EYS: variants seen among roughly 807,000 people sequenced by gnomAD.
The protein encoded by EYS is EGF-like photoreceptor maintenance factor, also known as protein eyes shut homolog.
EYS carries 250 observed loss-of-function variants against 282.1 expected under a neutral mutation model. The ratio of observed to expected loss-of-function variants is 0.89; its 90% CI spans 0.80 to 0.98. The LOEUF is 0.98. Among genes scored for constraint, EYS ranks in the 50% least tolerant of loss-of-function variants. The pLI, the probability that EYS is intolerant of heterozygous loss-of-function variation, is 0.00. For synonymous variants in EYS, 1,355 were observed against 1,282.9 expected, an observed-to-expected ratio of 1.06 and a Z score of -1.20; for missense variants, 4,016 against 3,709.0, an observed-to-expected ratio of 1.08 and a Z score of -2.15.
chr6:64,587,104 T>C (rs1013485711), intron 26 of EYS, among the ~76,000 whole-genome samples: 3 of 152,086 alleles, frequency 2.0e-5, no homozygotes, highest in Non-Finnish European at 4.4e-5. Flanking sequence ...CTTCAAAAAG[T>C]ACACAAAACT....
At chr6:64,898,174 T>C (rs1454569100) in intron 18 of EYS, among the ~76,000 whole-genome samples, 1 of 151,836 alleles carries the variant, frequency 6.6e-6, no homozygotes, top group Non-Finnish European at 1.5e-5. Flanking sequence ...AAGGCTGAAA[T>C]GAAGGAAAAA....
intron 26 of EYS, among the ~76,000 whole-genome samples, chr6:64,465,121 TAAAG>T (rs1384792342): frequency 6.6e-6 from 1 of 151,632 alleles, no homozygotes; most frequent in Non-Finnish European, 1.5e-5. Context: ...GAAACGCAAA[TAAAG>T]AAAACGATAT....
At chr6:64,868,901 T>C (rs1453550409) in intron 19 of EYS, among the ~76,000 whole-genome samples, 1 of 151,558 alleles carries the variant, frequency 6.6e-6, no homozygotes. Flanking sequence ...TTAAGCTCAG[T>C]GTTCTTTCCC....
At chr6:65,520,049 T>C (rs1348961893) in intron 2 of EYS, among the ~76,000 whole-genome samples, 1 of 152,032 alleles carries the variant, frequency 6.6e-6, no homozygotes, top group Non-Finnish European at 1.5e-5. Flanking sequence ...CTATGCATAT[T>C]AGATTAACTT....
intron 35 of EYS, among the ~76,000 whole-genome samples, chr6:63,962,462 C>T (rs1766111640): frequency 6.6e-6 from 1 of 152,188 alleles, no homozygotes; most frequent in South Asian, 2.1e-4. Context: ...TATGAACAGA[C>T]ACTTCTCAAA....
At chr6:64,167,801 A>G (rs1764342282) in intron 31 of EYS, among the ~76,000 whole-genome samples, 1 of 152,240 alleles carries the variant, frequency 6.6e-6, no homozygotes, top group Admixed American at 6.5e-5. Flanking sequence ...AAACCACACA[A>G]TATAAATCCA....
chr6:64,167,300 G>A (rs1482657140), intron 31 of EYS, among the ~76,000 whole-genome samples: 1 of 152,142 alleles, frequency 6.6e-6, no homozygotes, highest in African/African-American at 2.4e-5. Flanking sequence ...TGGACTTTTT[G>A]AGTCTCGAGC....
intron 26 of EYS, among the ~76,000 whole-genome samples, chr6:64,474,362 T>C (rs761206537): frequency 3.9e-5 from 6 of 152,206 alleles, no homozygotes; most frequent in Non-Finnish European, 8.8e-5. Context: ...TTCCCTGTTC[T>C]AGAAACAGGG....
chr6:65,553,277 G>A (rs2053146414), intron 2 of EYS, among the ~76,000 whole-genome samples: 1 of 152,174 alleles, frequency 6.6e-6, no homozygotes, highest in Admixed American at 6.5e-5. Context: ...GTTTAGAAAT[G>A]TCAGTGTAGG....
At chr6:65,069,345 A>G (rs1773841320) in intron 12 of EYS, among the ~76,000 whole-genome samples, 1 of 151,760 alleles carries the variant, frequency 6.6e-6, no homozygotes, top group Non-Finnish European at 1.5e-5. Flanking sequence ...TTTAACTTAT[A>G]CTCATTTTCT....
chr6:65,558,386 AGCAGGCATTGGG>A (rs2127342506), intron 2 of EYS, among the ~76,000 whole-genome samples: 1 of 152,322 alleles, frequency 6.6e-6, no homozygotes, highest in African/African-American at 2.4e-5. Context: ...TCTGCACTGG[AGCAGGCATTGGG>A]AGTGCGGAGA....
chr6:63,778,987 TATA>T (rs1770136529), intron 39 of EYS, among the ~76,000 whole-genome samples: 1 of 151,974 alleles, frequency 6.6e-6, no homozygotes, highest in Non-Finnish European at 1.5e-5. Context: ...AGTCTCCTTA[TATA>T]ATGAGGACAT....
chr6:65,680,765 C>T (rs773635485), intron 1 of EYS, among the ~76,000 whole-genome samples: 23 of 151,958 alleles, frequency 1.5e-4, no homozygotes, highest in Non-Finnish European at 2.8e-4. Context: ...GGGGATTCCT[C>T]ACCATCAGCA....
chr6:64,487,553 A>G (rs1776612825), intron 26 of EYS, among the ~76,000 whole-genome samples: 4 of 151,000 alleles, frequency 2.6e-5, no homozygotes, highest in Admixed American at 1.3e-4. Context: ...TGAAGTGTCA[A>G]TATAAATATT....
At position 65,558,289 on chromosome 6, in the gene EYS, G is replaced by A. The variant is rs997882055; in HGVS notation, c.-332-62296C>T. Among the ~76,000 whole-genome samples the A allele has an allele frequency of 7.2e-5, 11 of 152,226 alleles. 1 individual carries two copies. The highest frequency in any genetic ancestry group is 2.4e-4 in the African/African-American group (10 of 41,460). ...CCAAAGCCTGGAGGGGGTCAAGGCG[G>A]CAGTAGGGGTGGTATGTCAGTGCAG... is the stretch of plus-strand genomic sequence containing the variant. On this transcript the variant is annotated intron_variant, in intron 2 of 42. Transcript: ENST00000503581.
At chr6:64,394,638 G>T (rs1166286600) in intron 28 of EYS, among the ~76,000 whole-genome samples, 9 of 151,746 alleles carry the variant, frequency 5.9e-5, no homozygotes, top group Non-Finnish European at 7.4e-5. Context: ...ATTCAAGATG[G>T]ATTAAAGACT....
At chr6:64,061,996 T>G (rs1349686382) in intron 33 of EYS, among the ~76,000 whole-genome samples, 1 of 151,634 alleles carries the variant, frequency 6.6e-6, no homozygotes, top group African/African-American at 2.4e-5. Context: ...GCCATCATGC[T>G]ATTTTTTTTA....
intron 8 of EYS, among the ~76,000 whole-genome samples, chr6:65,356,531 C>A (rs758627538): frequency 1.8e-4 from 27 of 151,916 alleles, no homozygotes; most frequent in Non-Finnish European, 3.1e-4. Context: ...AACCTGAAGA[C>A]CAAATTTGAC....
intron 28 of EYS, among the ~76,000 whole-genome samples, chr6:64,411,805 G>A (rs780233916): frequency 2.7e-4 from 35 of 130,634 alleles, no homozygotes; most frequent in Admixed American, 1.4e-3. Flanking sequence ...CTATGATTAC[G>A]AGTGTATATG....
Sources: allele counts gnomAD v4.1 joint callset (sites outside exome capture counted in the v4.1 genomes callset), GRCh38; gene constraint gnomAD v4.1.1; transcripts MANE v1.5; gene names NCBI Gene and HGNC (gene_info 2026-07-23, HGNC 2026-07-21).